Variants in BABAM2 observed in about 807,000 individuals in gnomAD.
BABAM2 encodes BRISC and BRCA1 A complex member 2.
BABAM2 carries 31 observed loss-of-function variants against 54.7 expected under a neutral mutation model. That is an observed-to-expected ratio of 0.57 (90% confidence interval 0.43 to 0.77). BABAM2 has a LOEUF of 0.77. BABAM2 is among the 30% of genes least tolerant of loss of function. The pLI is 0.00. For missense variants in BABAM2, 364 were observed against 455.8 expected, an observed-to-expected ratio of 0.80 and a Z score of 1.83; for synonymous variants, 167 against 162.9, an observed-to-expected ratio of 1.03 and a Z score of -0.19.
chr2:28,290,401 T>TATC (rs886085770), intron 10 of BABAM2, among the ~76,000 whole-genome samples: 20 of 152,286 alleles, frequency 1.3e-4, no homozygotes, highest in African/African-American at 3.1e-4. Context: ...TAGCAATTTA[T>TATC]ATCATCATCA....
chr2:28,033,310 T>C (rs1676430922), intron 5 of BABAM2, among the ~76,000 whole-genome samples: 1 of 152,170 alleles, frequency 6.6e-6, no homozygotes, highest in South Asian at 2.1e-4. Flanking sequence ...AACCAGTGTG[T>C]CTTAGTCCAT....
intron 3 of BABAM2, among the ~76,000 whole-genome samples, chr2:27,958,548 A>T (rs939151938): frequency 2.8e-4 from 42 of 150,254 alleles, no homozygotes; most frequent in African/African-American, 1.0e-3. Flanking sequence ...ATATATGTTT[A>T]TATATACACA....
At chr2:28,222,290 G>C (rs1236335159) in intron 7 of BABAM2, among the ~76,000 whole-genome samples, 2 of 152,130 alleles carry the variant, frequency 1.3e-5, no homozygotes, top group Non-Finnish European at 2.9e-5. Context: ...GATTGATGGA[G>C]AGCCCAACCA....
At chr2:28,083,980 T>C (rs1336910035) in intron 6 of BABAM2, among the ~76,000 whole-genome samples, 2 of 152,214 alleles carry the variant, frequency 1.3e-5, no homozygotes, top group Non-Finnish European at 2.9e-5. Context: ...CATTTTGTTA[T>C]TATACACTTG....
chr2:28,214,693 G>T (rs951918594), intron 7 of BABAM2, among the ~76,000 whole-genome samples: 2 of 151,758 alleles, frequency 1.3e-5, no homozygotes, highest in African/African-American at 4.8e-5. Context: ...TTTAGTTTTT[G>T]TCATTAAGTA....
chr2:28,281,335 T>G (rs1686339125), intron 10 of BABAM2, among the ~76,000 whole-genome samples: 1 of 152,178 alleles, frequency 6.6e-6, no homozygotes, highest in African/African-American at 2.4e-5. Context: ...CTTACTGAAT[T>G]GGTGTGATGT....
At chr2:28,235,235 T>A (rs10202308) in intron 7 of BABAM2, among the ~76,000 whole-genome samples, 1 of 152,196 alleles carries the variant, frequency 6.6e-6, no homozygotes, top group Non-Finnish European at 1.5e-5. Context: ...GAGTGCAGTG[T>A]CACGATCTCT....
At chr2:27,944,709 G>A (rs1397587286) in intron 3 of BABAM2, among the ~76,000 whole-genome samples, 1 of 151,808 alleles carries the variant, frequency 6.6e-6, no homozygotes, top group Non-Finnish European at 1.5e-5. Flanking sequence ...GTCTTTTTCT[G>A]GAGATGTGTT....
intron 4 of BABAM2, chr2:28,015,775 G>A: frequency 9.1e-7 from 1 of 1,102,136 alleles, no homozygotes; most frequent in South Asian, 1.4e-5. Flanking sequence ...TGAACTAGCA[G>A]GCTTCTTTTT....
At chr2:28,132,417 C>T (rs1195946099) in intron 7 of BABAM2, among the ~76,000 whole-genome samples, 4 of 152,258 alleles carry the variant, frequency 2.6e-5, no homozygotes, top group East Asian at 1.9e-4. Context: ...AGATTACAGG[C>T]GTGAGCCACC....
chr2:28,287,289 A>G (rs1318654898), intron 10 of BABAM2, among the ~76,000 whole-genome samples: 1 of 152,224 alleles, frequency 6.6e-6, no homozygotes, highest in African/African-American at 2.4e-5. Flanking sequence ...TAATTTAACC[A>G]GATTTCTTTT....
chr2:28,105,732 T>C (rs1667466793), intron 6 of BABAM2, among the ~76,000 whole-genome samples: 1 of 152,212 alleles, frequency 6.6e-6, no homozygotes, highest in Admixed American at 6.5e-5. Flanking sequence ...GTTTGACTAC[T>C]TTGGGCCTCA....
chr2:28,254,450 G>GT (rs922780582), intron 10 of BABAM2, among the ~76,000 whole-genome samples: 10 of 150,550 alleles, frequency 6.6e-5, no homozygotes, highest in African/African-American at 2.0e-4. Context: ...GCCCATTGTT[G>GT]TTTTTTTTAA....
At chr2:28,253,237 TA>T (rs894654804) in intron 10 of BABAM2, among the ~76,000 whole-genome samples, 14 of 146,074 alleles carry the variant, frequency 9.6e-5, no homozygotes, top group South Asian at 2.2e-4. Flanking sequence ...CTGCCTCTAC[TA>T]AAAAAAAAAG....
intron 7 of BABAM2, among the ~76,000 whole-genome samples, chr2:28,194,411 A>G (rs1677277550): frequency 6.6e-6 from 1 of 152,080 alleles, no homozygotes; most frequent in Non-Finnish European, 1.5e-5. Context: ...ATTTTCTTGG[A>G]TAGAACTTAG....
intron 6 of BABAM2, among the ~76,000 whole-genome samples, chr2:28,117,916 C>T (rs1668743354): frequency 1.3e-5 from 2 of 152,140 alleles, no homozygotes; most frequent in Non-Finnish European, 2.9e-5. Flanking sequence ...GCCACCTAAA[C>T]GATTTAAGTG....
At chr2:27,939,090 C>T (rs1366435435) in intron 3 of BABAM2, among the ~76,000 whole-genome samples, 3 of 152,038 alleles carry the variant, frequency 2.0e-5, no homozygotes, top group Non-Finnish European at 4.4e-5. Context: ...GTAGCTGGGA[C>T]TACAGGCACT....
chr2:27,895,747 T>G lies in BABAM2; in HGVS notation c.128+1063T>G, dbSNP rs560102432. Among the ~76,000 whole-genome samples, 652 of 152,336 alleles carry G rather than the reference T, an allele frequency of 4.3e-3. 4 individuals are homozygous for G. The highest frequency in any genetic ancestry group is 5.0e-3 in the Non-Finnish European group (339 of 68,034). On this transcript the variant is annotated intron_variant, in intron 2 of 11. Coordinates refer to ENST00000379624, the MANE Select transcript of BABAM2 (RefSeq NM_199191.3). Reference sequence around the variant, plus strand: ...GATTCTTGCCTATAACTATTACTACTCTGGTGCTTGTCTAAGTGTGCTTTT... The same window carrying G: ...GATTCTTGCCTATAACTATTACTACGCTGGTGCTTGTCTAAGTGTGCTTTT...
intron 10 of BABAM2, among the ~76,000 whole-genome samples, chr2:28,297,576 T>G (rs1453893419): frequency 6.6e-6 from 1 of 152,206 alleles, no homozygotes; most frequent in Non-Finnish European, 1.5e-5. Context: ...ATATAACACA[T>G]GTTAACAGCA....
Sources: gnomAD v4.1 joint callset for allele counts (sites outside exome capture counted in the v4.1 genomes callset) on GRCh38, gnomAD v4.1.1 for gene constraint, MANE v1.5 for transcripts, NCBI Gene and HGNC (gene_info 2026-07-23, HGNC 2026-07-21) for gene names.